PCDH9: variants seen among roughly 807,000 people sequenced by gnomAD.
PCDH9 encodes the protein protocadherin-9.
PCDH9 carries 24 observed loss-of-function variants against 70.6 expected under a neutral mutation model. The observed-to-expected ratio is 0.34, with a 90% confidence interval of 0.25 to 0.48. The LOEUF (loss-of-function observed/expected upper bound fraction) is 0.48. Among genes scored for constraint, PCDH9 ranks in the 20% least tolerant of loss-of-function variants. The probability of loss-of-function intolerance (pLI) is 0.99; values close to 1 mark genes in which losing one functional copy is unlikely to be tolerated. For synonymous variants in PCDH9, 562 were observed against 558.5 expected (o/e 1.01, Z -0.09); for missense variants, 1,281 against 1,503.6 (o/e 0.85, Z 2.45).
chr13:67,035,594 T>C (rs1207809596), intron 2 of PCDH9, among the ~76,000 whole-genome samples: 1 of 149,280 alleles, frequency 6.7e-6, no homozygotes, highest in Non-Finnish European at 1.5e-5. Context: ...TATAATTTTA[T>C]AATTAAAATT....
intron 4 of PCDH9, among the ~76,000 whole-genome samples, chr13:66,462,312 C>A (rs1051791824): frequency 2.6e-5 from 4 of 151,782 alleles, no homozygotes; most frequent in Non-Finnish European, 4.4e-5. Context: ...AGAGTTAATG[C>A]ATATTTTGAA....
intron 4 of PCDH9, among the ~76,000 whole-genome samples, chr13:66,601,815 T>A (rs926414470): frequency 6.9e-6 from 1 of 145,892 alleles, no homozygotes; most frequent in East Asian, 1.9e-4. Context: ...AATAATGTCA[T>A]GTAAGGCATT....
chr13:67,141,925 T>C, intron 2 of PCDH9, among the ~76,000 whole-genome samples: 1 of 152,138 alleles, frequency 6.6e-6, no homozygotes, highest in Non-Finnish European at 1.5e-5. Context: ...GTGTCTGTAT[T>C]TTCATCGTCG....
chr13:67,100,752 A>T (rs573125579), intron 2 of PCDH9, among the ~76,000 whole-genome samples: 1 of 152,158 alleles, frequency 6.6e-6, no homozygotes, highest in South Asian at 2.1e-4. Context: ...TGAGAATTTC[A>T]TTCCTTGGTT....
Position 66,730,876 on chromosome 13 carries a change from G to GTTTTTTTTTTTTTTTTTT in PCDH9, c.3139-99466_3139-99465insAAAAAAAAAAAAAAAAAA, listed in dbSNP as rs758928616. ...TGTTTTTGTTTTTTTGTGTGTGTGTGTTTTTTTTTTGTTTGTTTCTTTTTT... is the reference window on the plus strand; with the variant it reads ...TGTTTTTGTTTTTTTGTGTGTGTGTGTTTTTTTTTTTTTTTTTTTTTTTTTTTTGTTTGTTTCTTTTTT... On this transcript the variant is annotated intron_variant, in intron 3 of 4. Transcript: ENST00000377865. Among the ~76,000 whole-genome samples the GTTTTTTTTTTTTTTTTTT allele has an allele frequency of 2.2e-4, 10 of 46,354 alleles. 1 individual carries two copies. Among genetic ancestry groups the GTTTTTTTTTTTTTTTTTT allele is most frequent in the African/African-American group, 3.0e-4 (4 of 13,254 alleles). The allele number at this position is 46,354 out of a possible 152,430, so 30.4% of individuals were successfully genotyped here.
At chr13:66,419,127 C>T (rs1268836827) in intron 4 of PCDH9, among the ~76,000 whole-genome samples, 1 of 152,010 alleles carries the variant, frequency 6.6e-6, no homozygotes, top group Non-Finnish European at 1.5e-5. Flanking sequence ...AGCCCAGGAC[C>T]AGACGGATTT....
chr13:66,813,411 T>A (rs2080544501), intron 3 of PCDH9, among the ~76,000 whole-genome samples: 2 of 149,450 alleles, frequency 1.3e-5, no homozygotes. Context: ...ATTTGTTGAA[T>A]GTGTAAATGA....
At chr13:66,667,382 A>G (rs1232648078) in intron 3 of PCDH9, among the ~76,000 whole-genome samples, 1 of 152,208 alleles carries the variant, frequency 6.6e-6, no homozygotes, top group Non-Finnish European at 1.5e-5. Context: ...AAATATAAAT[A>G]TGCTATTTTA....
chr13:66,549,572 C>T (rs1428070968), intron 4 of PCDH9, among the ~76,000 whole-genome samples: 1 of 152,012 alleles, frequency 6.6e-6, no homozygotes, highest in Non-Finnish European at 1.5e-5. Flanking sequence ...GTCCAGGGCA[C>T]TGCTGCTCAG....
intron 2 of PCDH9, among the ~76,000 whole-genome samples, chr13:67,145,431 A>G (rs941834545): frequency 6.6e-6 from 1 of 151,940 alleles, no homozygotes; most frequent in Non-Finnish European, 1.5e-5. Flanking sequence ...TGTGCACCTC[A>G]TTTAGTACCA....
chr13:66,571,891 A>G (rs1426507330), intron 4 of PCDH9, among the ~76,000 whole-genome samples: 2 of 152,106 alleles, frequency 1.3e-5, no homozygotes, highest in African/African-American at 4.8e-5. Flanking sequence ...CTAAACTAAT[A>G]TGAATGTTTG....
At chr13:66,971,938 G>T (rs996212150) in intron 2 of PCDH9, among the ~76,000 whole-genome samples, 1 of 151,686 alleles carries the variant, frequency 6.6e-6, no homozygotes, top group Non-Finnish European at 1.5e-5. Flanking sequence ...GATAATATTC[G>T]ATCTTAATAT....
intron 4 of PCDH9, among the ~76,000 whole-genome samples, chr13:66,332,302 T>C (rs1955958136): frequency 6.6e-6 from 1 of 152,100 alleles, no homozygotes; most frequent in South Asian, 2.1e-4. Flanking sequence ...GCATACACCA[T>C]GTTAGAATGA....
At chr13:67,076,505 C>T (rs1484787982) in intron 2 of PCDH9, among the ~76,000 whole-genome samples, 1 of 152,058 alleles carries the variant, frequency 6.6e-6, no homozygotes, top group Non-Finnish European at 1.5e-5. Context: ...ATAAGTGTCA[C>T]AGCAGGTAAC....
At chr13:67,104,929 A>G (rs2086508326) in intron 2 of PCDH9, among the ~76,000 whole-genome samples, 2 of 152,188 alleles carry the variant, frequency 1.3e-5, no homozygotes, top group South Asian at 4.1e-4. Context: ...GTTCCACTTC[A>G]CTGAAATAAA....
At chr13:66,872,484 T>C (rs2081712332) in intron 3 of PCDH9, among the ~76,000 whole-genome samples, 1 of 152,078 alleles carries the variant, frequency 6.6e-6, no homozygotes, top group Non-Finnish European at 1.5e-5. Context: ...CAGTAATTCT[T>C]TACAAAATCA....
chr13:66,603,704 G>C (rs1391329553), intron 4 of PCDH9, among the ~76,000 whole-genome samples: 1 of 151,862 alleles, frequency 6.6e-6, no homozygotes, highest in Non-Finnish European at 1.5e-5. Flanking sequence ...TTTAAAGTAT[G>C]GCATGTATCT....
chr13:66,407,579 G>C (rs1957301034), intron 4 of PCDH9, among the ~76,000 whole-genome samples: 1 of 152,066 alleles, frequency 6.6e-6, no homozygotes, highest in Admixed American at 6.6e-5. Context: ...ACATTTCAAG[G>C]CATCACATCT....
chr13:66,551,664 T>A (rs942700682), intron 4 of PCDH9, among the ~76,000 whole-genome samples: 1 of 152,136 alleles, frequency 6.6e-6, no homozygotes. Context: ...TTGGTTAATT[T>A]GTTAACCAAA....
Sources: allele counts gnomAD v4.1 joint callset (sites outside exome capture counted in the v4.1 genomes callset), GRCh38; gene constraint gnomAD v4.1.1; transcripts MANE v1.5; gene names NCBI Gene and HGNC (gene_info 2026-07-23, HGNC 2026-07-21).